The following DLGAP1 variants were observed in gnomAD, a reference collection of about 807,000 sequenced individuals.
DLGAP1 encodes the protein DLG associated protein 1.
Under a neutral mutation model 90.8 loss-of-function variants are expected in DLGAP1, and 11 were observed. The observed-to-expected ratio is 0.12, with a 90% CI of 0.08 to 0.20. The LOEUF is 0.20. Ranked by LOEUF, DLGAP1 falls within the 10% of genes least tolerant of loss-of-function variation. The pLI is 1.00. For missense variants in DLGAP1, 1,050 were observed against 1,333.8 expected (o/e 0.79, Z 3.31); for synonymous variants, 558 against 540.7 (o/e 1.03, Z -0.44).
chr18:3,533,452 T>A (rs2052143698), intron 10 of DLGAP1, among the ~76,000 whole-genome samples: 1 of 152,196 alleles, frequency 6.6e-6, no homozygotes, highest in Admixed American at 6.5e-5. Context: ...GGTGGGGGTT[T>A]CTAGCGGCCT....
chr18:3,648,438 G>A (rs1336697555), intron 7 of DLGAP1, among the ~76,000 whole-genome samples: 1 of 152,210 alleles, frequency 6.6e-6, no homozygotes, highest in African/African-American at 2.4e-5. Context: ...TGGGTGTGAT[G>A]TATCGTTTAA....
At chr18:4,170,801 C>T (rs2077010515) in intron 1 of DLGAP1, among the ~76,000 whole-genome samples, 1 of 151,802 alleles carries the variant, frequency 6.6e-6, no homozygotes, top group Admixed American at 6.6e-5. Context: ...AGGATAATTC[C>T]AGTTATTTTT....
intron 5 of DLGAP1, among the ~76,000 whole-genome samples, chr18:3,780,839 G>A (rs1054685034): frequency 1.3e-5 from 2 of 151,632 alleles, no homozygotes; most frequent in East Asian, 2.0e-4. Flanking sequence ...CATGCTATAT[G>A]TTGCCCACCA....
intron 5 of DLGAP1, among the ~76,000 whole-genome samples, chr18:3,783,891 T>C (rs1342605928): frequency 1.3e-5 from 2 of 152,188 alleles, no homozygotes; most frequent in African/African-American, 4.8e-5. Context: ...GGGGTAATAC[T>C]GGTGGTGGTG....
At chr18:4,265,103 T>TTTCCTTCCTTCCTTCCTTCCTCCC (rs2079078298) in intron 1 of DLGAP1, among the ~76,000 whole-genome samples, 1 of 139,606 alleles carries the variant, frequency 7.2e-6, no homozygotes, top group African/African-American at 2.8e-5. Flanking sequence ...TAATGTAATT[T>TTTCCTTCCTTCCTTCCTTCCTCCC]TTCCTTCCTT....
At chr18:3,830,127 A>G (rs1435527346) in intron 4 of DLGAP1, among the ~76,000 whole-genome samples, 1 of 152,244 alleles carries the variant, frequency 6.6e-6, no homozygotes, top group African/African-American at 2.4e-5. Context: ...CTGGCTCTGT[A>G]CCAGCACCTA....
chr18:3,692,018 T>C (rs540487423), intron 7 of DLGAP1, among the ~76,000 whole-genome samples: 1 of 152,340 alleles, frequency 6.6e-6, no homozygotes, highest in South Asian at 2.1e-4. Context: ...ATCCACGTAA[T>C]GGTGGTTTGT....
intron 1 of DLGAP1, among the ~76,000 whole-genome samples, chr18:4,337,684 G>A (rs115365481): frequency 0.018 from 2,714 of 151,954 alleles, 37 homozygotes; most frequent in African/African-American, 0.027. Context: ...TTGACCAGCC[G>A]AAACCAAAAA....
At chr18:4,183,491 G>A (rs1303931896) in intron 1 of DLGAP1, among the ~76,000 whole-genome samples, 1 of 152,080 alleles carries the variant, frequency 6.6e-6, no homozygotes, top group Non-Finnish European at 1.5e-5. Context: ...TTATTTGAAG[G>A]TACAAGCCAC....
intron 1 of DLGAP1, among the ~76,000 whole-genome samples, chr18:4,207,217 A>C (rs2077738001): frequency 6.6e-6 from 1 of 152,182 alleles, no homozygotes; most frequent in South Asian, 2.1e-4. Flanking sequence ...GCCTCAGGGA[A>C]CTTACAACAA....
At chr18:3,723,555 G>C (rs2062051287) in intron 7 of DLGAP1, among the ~76,000 whole-genome samples, 1 of 151,560 alleles carries the variant, frequency 6.6e-6, no homozygotes, top group Non-Finnish European at 1.5e-5. Flanking sequence ...TAGGGTTTAG[G>C]GTTTGTGTGG....
chr18:4,277,399 C>T (rs115702345), intron 1 of DLGAP1, among the ~76,000 whole-genome samples: 116 of 152,214 alleles, frequency 7.6e-4, no homozygotes, highest in African/African-American at 2.8e-3. Flanking sequence ...CTGTAATACG[C>T]ATTCTGATAA....
chr18:3,998,866 C>T (rs762265918), intron 3 of DLGAP1, among the ~76,000 whole-genome samples: 21 of 152,222 alleles, frequency 1.4e-4, no homozygotes, highest in African/African-American at 4.8e-4. Context: ...GATAACATTC[C>T]GCTAAAACAG....
chr18:4,406,497 G>A (rs1340369748), intron 1 of DLGAP1, among the ~76,000 whole-genome samples: 1 of 152,202 alleles, frequency 6.6e-6, no homozygotes, highest in East Asian at 1.9e-4. Context: ...ACAACTCTGT[G>A]AGGTGGGGAA....
chr18:4,226,677 TA>T (rs1371243741), intron 1 of DLGAP1, among the ~76,000 whole-genome samples: 1 of 43,120 alleles, frequency 2.3e-5, no homozygotes, highest in African/African-American at 7.5e-5. Flanking sequence ...AGACTCATGG[TA>T]AACTCAAAAA....
At chr18:3,811,965 C>T (rs1233115681) in intron 5 of DLGAP1, among the ~76,000 whole-genome samples, 1 of 152,158 alleles carries the variant, frequency 6.6e-6, no homozygotes, top group African/African-American at 2.4e-5. Context: ...CTGGGTATTG[C>T]TGTGGACAAG....
In DLGAP1 at chr18:4,378,997, C is replaced by T. The variant is rs1289835790; in HGVS notation, c.-267+76009G>A. Reference sequence around the variant, plus strand: ...CATGTGATCTCCTGTGCCGCGTGACCACAGTTGATAGGACCAAGGGTTGAT... The same window carrying T: ...CATGTGATCTCCTGTGCCGCGTGACTACAGTTGATAGGACCAAGGGTTGAT... On this transcript the variant is annotated intron_variant, in intron 1 of 12. Transcript: ENST00000315677. This position sits in a 1 kb window ranked among gnomAD's most constrained non-coding sequence, Gnocchi z 4.5. Among the ~76,000 whole-genome samples the T allele has an allele frequency of 6.6e-6, 1 of 152,112 alleles. No individual in the cohort carries two copies. The highest frequency in any genetic ancestry group is 2.4e-5 in the African/African-American group (1 of 41,434).
At chr18:4,174,223 A>G (rs1248630467) in intron 1 of DLGAP1, among the ~76,000 whole-genome samples, 1 of 152,166 alleles carries the variant, frequency 6.6e-6, no homozygotes, top group Non-Finnish European at 1.5e-5. Context: ...GAGGCCCAAG[A>G]AGGAGCTTCC....
At chr18:3,604,342 C>T (rs2057220145) in intron 7 of DLGAP1, 9 of 152,180 alleles carry the variant, frequency 5.9e-5, no homozygotes, top group Admixed American at 3.9e-4. Flanking sequence ...CTTTCCATTT[C>T]TGCCATTTCC....
Sources: allele counts gnomAD v4.1 joint callset (sites outside exome capture counted in the v4.1 genomes callset), GRCh38; gene constraint gnomAD v4.1.1; non-coding constraint Gnocchi (gnomAD v3.1); transcripts MANE v1.5; gene names NCBI Gene and HGNC (gene_info 2026-07-23, HGNC 2026-07-21).